The following NKAIN2 variants were observed in gnomAD, a reference collection of about 807,000 sequenced individuals.
The protein encoded by NKAIN2 is sodium/potassium transporting ATPase interacting 2.
In NKAIN2, 14 loss-of-function variants were observed where a neutral mutation model predicts 32.6. The ratio of observed to expected loss-of-function variants is 0.43; its 90% confidence interval spans 0.28 to 0.67. NKAIN2 has a LOEUF of 0.67. NKAIN2 is among the 30% of genes least tolerant of loss of function. NKAIN2 has a pLI of 0.17. For synonymous variants in NKAIN2, 80 were observed against 87.2 expected (o/e 0.92, Z 0.46); for missense variants, 198 against 258.3 (o/e 0.77, Z 1.60).
intron 2 of NKAIN2, among the ~76,000 whole-genome samples, chr6:124,313,510 G>T (rs1357735757): frequency 6.6e-6 from 1 of 152,094 alleles, no homozygotes; most frequent in Non-Finnish European, 1.5e-5. Flanking sequence ...CAGTACAGGT[G>T]CCTAGGCTGG....
At chr6:123,974,879 A>C (rs1048353902) in intron 1 of NKAIN2, among the ~76,000 whole-genome samples, 1 of 152,192 alleles carries the variant, frequency 6.6e-6, no homozygotes, top group East Asian at 1.9e-4. Flanking sequence ...CTCCACAGAG[A>C]GTGCGTCCTG....
chr6:124,389,510 T>C (rs1773049976), intron 3 of NKAIN2, among the ~76,000 whole-genome samples: 2 of 152,116 alleles, frequency 1.3e-5, no homozygotes. Context: ...GTTATCTCAG[T>C]GGAGGGACAT....
chr6:123,866,521 C>G (rs1358234478), intron 1 of NKAIN2, among the ~76,000 whole-genome samples: 2 of 152,112 alleles, frequency 1.3e-5, no homozygotes, highest in African/African-American at 2.4e-5. Context: ...AGCTCCGCCT[C>G]CTGGATTCAA....
intron 1 of NKAIN2, among the ~76,000 whole-genome samples, chr6:123,954,260 G>A (rs1454972743): frequency 4.6e-5 from 7 of 152,168 alleles, no homozygotes; most frequent in Admixed American, 1.3e-4. Context: ...GGTGTGTGTG[G>A]GATACAGCGT....
chr6:124,694,165 A>G (rs772226691), intron 4 of NKAIN2, among the ~76,000 whole-genome samples: 30 of 151,774 alleles, frequency 2.0e-4, no homozygotes, highest in Admixed American at 1.3e-3. Flanking sequence ...GTGTGTGTGT[A>G]TATATATTTA....
At chr6:124,161,102 T>C (rs563219495) in intron 1 of NKAIN2, among the ~76,000 whole-genome samples, 4 of 152,260 alleles carry the variant, frequency 2.6e-5, no homozygotes, top group South Asian at 4.1e-4. Flanking sequence ...TACTTGAGAC[T>C]GGGTAATTTA....
intron 3 of NKAIN2, among the ~76,000 whole-genome samples, chr6:124,367,656 A>G (rs1398226679): frequency 6.6e-6 from 1 of 152,084 alleles, no homozygotes; most frequent in Non-Finnish European, 1.5e-5. Flanking sequence ...CCTGTCAAAC[A>G]TATTTTGAGT....
intron 4 of NKAIN2, among the ~76,000 whole-genome samples, chr6:124,777,198 T>C (rs562409909): frequency 3.5e-4 from 53 of 152,330 alleles, no homozygotes; most frequent in African/African-American, 1.2e-3. Context: ...ATGTTTACTT[T>C]CCTAATCAGC....
intron 1 of NKAIN2, among the ~76,000 whole-genome samples, chr6:124,200,650 A>C (rs968743638): frequency 6.6e-6 from 1 of 152,158 alleles, no homozygotes; most frequent in Non-Finnish European, 1.5e-5. Flanking sequence ...GAATTATATT[A>C]TAAGAACAGC....
chr6:124,273,727 C>T (rs2626093), intron 1 of NKAIN2, among the ~76,000 whole-genome samples: 52,348 of 152,042 alleles, frequency 0.34, 11,116 homozygotes, highest in African/African-American at 0.6. Flanking sequence ...CATGGCCATT[C>T]CTCTTCCAAA....
At chr6:123,944,227 C>T (rs1388547116) in intron 1 of NKAIN2, among the ~76,000 whole-genome samples, 1 of 152,102 alleles carries the variant, frequency 6.6e-6, no homozygotes, top group African/African-American at 2.4e-5. Context: ...CATCAGCCTT[C>T]ATTCCAGTTC....
intron 6 of NKAIN2, among the ~76,000 whole-genome samples, chr6:124,820,895 A>G (rs1249004517): frequency 6.6e-6 from 1 of 152,198 alleles, no homozygotes; most frequent in Non-Finnish European, 1.5e-5. Flanking sequence ...ACCCTGGTCT[A>G]TGGGAAAATT....
chr6:124,606,871 T>C (rs1201461014), intron 3 of NKAIN2, among the ~76,000 whole-genome samples: 3 of 152,086 alleles, frequency 2.0e-5, no homozygotes, highest in Non-Finnish European at 1.5e-5. Context: ...TTTATAATTT[T>C]GAATTAAATT....
chr6:123,955,590 T>TTTTTATTTTATTTTATTTTATTTTA lies in NKAIN2; in HGVS notation c.54+151361_54+151385dup, dbSNP rs61369548. 1.3e-3 allele frequency among the ~76,000 whole-genome samples: 177 copies of TTTTTATTTTATTTTATTTTATTTTA among 136,706 alleles called. 1 individual carries two copies. The highest frequency in any genetic ancestry group is 4.7e-3 in the African/African-American group (169 of 36,074). 89.7% of individuals were successfully genotyped at this position (136,706 alleles called of 152,430 possible). ...TTACTGTGGGGCTACATTTAAACAT[T>TTTTTATTTTATTTTATTTTATTTTA]TTTTATTTTATTTTATTTTATTTTA... On this transcript the variant is annotated intron_variant, in intron 1 of 6. Coordinates refer to ENST00000368417, the MANE Select transcript of NKAIN2 (RefSeq NM_001040214.3).
intron 1 of NKAIN2, among the ~76,000 whole-genome samples, chr6:124,070,669 G>A (rs927240534): frequency 4.9e-4 from 75 of 151,986 alleles, no homozygotes; most frequent in African/African-American, 1.5e-3. Flanking sequence ...AAGTTCAAAC[G>A]CCTTTGAATG....
intron 4 of NKAIN2, among the ~76,000 whole-genome samples, chr6:124,696,472 CCT>C (rs1562329478): frequency 6.6e-6 from 1 of 152,062 alleles, no homozygotes; most frequent in African/African-American, 2.4e-5. Flanking sequence ...CCTCCCATGC[CCT>C]GAGACCTGCG....
intron 3 of NKAIN2, among the ~76,000 whole-genome samples, chr6:124,585,263 T>C (rs1781671352): frequency 6.6e-6 from 1 of 152,054 alleles, no homozygotes; most frequent in Admixed American, 6.6e-5. Context: ...ATTGAAACAA[T>C]TGCACTCATG....
At chr6:124,554,986 A>G (rs1028996176) in intron 3 of NKAIN2, among the ~76,000 whole-genome samples, 3 of 151,378 alleles carry the variant, frequency 2.0e-5, no homozygotes, top group African/African-American at 7.4e-5. Flanking sequence ...GACTTTGGCC[A>G]TCATCTCTTG....
chr6:124,444,372 A>G (rs1775807165), intron 3 of NKAIN2, among the ~76,000 whole-genome samples: 1 of 152,060 alleles, frequency 6.6e-6, no homozygotes, highest in Non-Finnish European at 1.5e-5. Flanking sequence ...CACAGATTTG[A>G]TTCTACATAT....
Sources: allele counts gnomAD v4.1 joint callset (sites outside exome capture counted in the v4.1 genomes callset), GRCh38; gene constraint gnomAD v4.1.1; transcripts MANE v1.5; gene names NCBI Gene and HGNC (gene_info 2026-07-23, HGNC 2026-07-21).